TMEM59: variants seen among roughly 807,000 people sequenced by gnomAD.
The protein encoded by TMEM59 is transmembrane protein 59.
A neutral mutation model predicts 42.2 loss-of-function variants in TMEM59; 44 were observed. That is an observed-to-expected ratio of 1.04 (90% CI 0.82 to 1.34). The LOEUF (loss-of-function observed/expected upper bound fraction) is 1.34, where lower values mean the gene tolerates loss of function less well. Among genes scored for constraint, TMEM59 ranks in the 40% most tolerant of loss-of-function variants. TMEM59 has a pLI of 0.00. For synonymous variants in TMEM59, 148 were observed against 145.8 expected (o/e 1.02, Z -0.11); for missense variants, 359 against 382.8 (o/e 0.94, Z 0.52).
upstream of TMEM59, chr1:54,053,288 T>C (rs1657646663): frequency 2.1e-6 from 3 of 1,440,990 alleles, no homozygotes; most frequent in South Asian, 1.3e-5. Flanking sequence ...CCACCGACCG[T>C]TGCTTCCGCC....
chr1:54,035,388 C>T lies in TMEM59; in HGVS notation c.816+1222G>A, dbSNP rs765442386. On this transcript the variant is annotated intron_variant, in intron 7 of 7. Transcript: ENST00000234831. ...TTATTTCAGTTGGATTAGATGTTGACAGCCATTATTATTCTATATTTAGTT... is the reference window on the plus strand; with the variant it reads ...TTATTTCAGTTGGATTAGATGTTGATAGCCATTATTATTCTATATTTAGTT... Among the ~76,000 whole-genome samples, 4 of 152,288 alleles carry T rather than the reference C, an allele frequency of 2.6e-5. No homozygotes were observed. In the South Asian group the frequency reaches 8.3e-4, roughly 32 times the overall value.
chr1:54,038,261 A>AT (rs1253814359), intron 6 of TMEM59, among the ~76,000 whole-genome samples: 1 of 152,210 alleles, frequency 6.6e-6, no homozygotes, highest in Non-Finnish European at 1.5e-5. Flanking sequence ...TGAAAAAAAA[A>AT]TTTTAAGTAA....
intron 6 of TMEM59, among the ~76,000 whole-genome samples, chr1:54,038,677 G>A (rs1336897300): frequency 6.6e-6 from 1 of 152,156 alleles, no homozygotes; most frequent in Non-Finnish European, 1.5e-5. Context: ...AGAATAGGAT[G>A]AGCAGAAGAT....
At position 54,041,760 on chromosome 1, in the gene TMEM59, T is replaced by C. The variant is rs11539459; in HGVS notation, c.589A>G (p.Thr197Ala). The C allele has an allele frequency of 1.6e-5, 26 of 1,613,686 alleles. No individual in the cohort carries two copies. The highest frequency in any genetic ancestry group is 4.0e-5 in the African/African-American group (3 of 74,928). Reference sequence around the variant, plus strand: ...CTTAGAGATGATTCTCTCAAATTTGTAGGCTCCTGCTCCAAATGTGGTGCG... The same window carrying C: ...CTTAGAGATGATTCTCTCAAATTTGCAGGCTCCTGCTCCAAATGTGGTGCG... Reference protein sequence around the residue: ...QYAPHLEQEPTNLRESSLSKM... With the variant: ...QYAPHLEQEPANLRESSLSKM... Residue 197 changes from threonine to alanine, a missense_variant, in exon 5 of 8, where the codon ACA (threonine) becomes GCA (alanine). Transcript: ENST00000234831.
upstream of TMEM59, chr1:54,053,383 G>T (rs553340180): frequency 2.3e-4 from 147 of 641,002 alleles, no homozygotes; most frequent in African/African-American, 2.4e-3. Context: ...TCTTCTCCTA[G>T]GCTGGCGTGA....
In TMEM59 at chr1:54,036,670, T is replaced by C. The variant is rs1246320338; in HGVS notation, c.756A>G (p.Val252=). ...LTTTLVLSVM[V]LLWICCATVA... is the part of the protein sequence containing the mutation. Reference sequence around the variant, plus strand: ...CAGTTGCACAACAAATCCAAAGCAATACCATCACCGAGAGGACAAGAGTTG... The same window carrying C: ...CAGTTGCACAACAAATCCAAAGCAACACCATCACCGAGAGGACAAGAGTTG... The change falls in exon 7 of 8, where the codon GTA becomes GTG. Residue 252 remains valine (V), a synonymous_variant. Transcript: ENST00000234831. 1 of 1,610,312 alleles carries C rather than the reference T, an allele frequency of 6.2e-7. No homozygotes were observed. The highest frequency in any genetic ancestry group is 8.5e-7 in the Non-Finnish European group (1 of 1,178,366).
At chr1:54,052,014 A>G (rs1416708180) in intron 1 of TMEM59, among the ~76,000 whole-genome samples, 1 of 152,204 alleles carries the variant, frequency 6.6e-6, no homozygotes, top group Non-Finnish European at 1.5e-5. Flanking sequence ...AGTTTTAGAG[A>G]GCAAGGAGGT....
At chr1:54,038,513 A>T (rs551615548) in intron 6 of TMEM59, among the ~76,000 whole-genome samples, 64 of 152,294 alleles carry the variant, frequency 4.2e-4, no homozygotes, top group Middle Eastern at 3.4e-3. Flanking sequence ...GCTCCTCAAA[A>T]AGAAATGCAA....
In TMEM59 at chr1:54,032,191, G is replaced by C; in HGVS notation, c.931C>G (p.Pro311Ala). Residue 311 changes from proline to alanine, a missense_variant, in exon 8 of 8, where the codon CCT (proline) becomes GCT (alanine). Pro to Ala is a conservative substitution (Grantham distance 27). Coordinates refer to ENST00000234831, the MANE Select transcript of TMEM59 (RefSeq NM_004872.5). ...SKTEDHEEAG[P>A]LPTKVNLAHS... ...GCAAGATTCACTTTTGTAGGTAGAG[G>C]CCCTGCTTCTTCATGATCTTCAGTT... 6.2e-7 allele frequency: 1 copy of C among 1,612,920 alleles called. No individual in the cohort carries two copies. Among genetic ancestry groups the C allele is most frequent in the Non-Finnish European group, 8.5e-7 (1 of 1,179,454 alleles).
chr1:54,032,398 G>A, intron 7 of TMEM59, 93 bp from the exon 8 acceptor site: 62 of 1,195,196 alleles, frequency 5.2e-5, no homozygotes, highest in South Asian at 2.4e-4. Context: ...ATAAATAGTT[G>A]GTAAAAAAAA....
intron 3 of TMEM59, 167 bp downstream of exon 3, chr1:54,045,525 A>T: frequency 1.7e-6 from 1 of 595,900 alleles, no homozygotes. Context: ...GCATTATACA[A>T]AAGCAATTAT....
upstream of TMEM59, chr1:54,053,430 G>T: frequency 1.9e-6 from 1 of 540,388 alleles, no homozygotes; most frequent in Non-Finnish European, 3.3e-6. Flanking sequence ...TTAGCGCGAA[G>T]CGGGGCCTCC....
chr1:54,043,817 TGTAATTAAATAAGGACCA>T (rs1263020431), intron 3 of TMEM59: 1 of 155,704 alleles, frequency 6.4e-6, no homozygotes, highest in Non-Finnish European at 1.4e-5. Context: ...ACTCTTAAGA[TGTAATTAAATAAGGACCA>T]GCAAGGCCTT....
chr1:54,041,676 G>A (rs775691994), intron 5 of TMEM59, 48 bp downstream of exon 5: 3 of 1,490,058 alleles, frequency 2.0e-6, no homozygotes, highest in Non-Finnish European at 2.8e-6. Flanking sequence ...ACTACAACCA[G>A]ATTTGACTGC....
intron 5 of TMEM59, 86 bp from the exon 6 acceptor site, chr1:54,040,923 C>T (rs757976454): frequency 4.9e-6 from 5 of 1,030,286 alleles, no homozygotes; most frequent in Non-Finnish European, 7.4e-6. Flanking sequence ...ATACACTTTA[C>T]AGATATCCAA....
Position 54,040,819 on chromosome 1 carries a change from G to C in TMEM59, c.644C>G (p.Ser215Ter). 6.2e-7 allele frequency: 1 copy of C among 1,613,684 alleles called. No homozygotes were observed. Among genetic ancestry groups the C allele is most frequent in the African/African-American group, 1.3e-5 (1 of 75,018 alleles). Residue 215 changes from serine to a stop codon, truncating the protein, a stop_gained, in exon 6 of 8, where the codon TCA becomes TGA. Coordinates refer to ENST00000234831, the MANE Select transcript of TMEM59 (RefSeq NM_004872.5). LOFTEE classifies it high-confidence loss of function. ...TTCAAGAAAATTCCTGTGCGCTTGT[G>C]AATTTCTCATTTGCAGATCTGCTGA... is the stretch of plus-strand genomic sequence containing the variant. ...SKMSYLQMRN[S>*]QAHRNFLEDG...
chr1:54,047,522 T>G lies in TMEM59; in HGVS notation c.190-150A>C. On this transcript the variant is annotated intron_variant, in intron 1 of 7. Transcript: ENST00000234831. ...GAAAGAAAAAAATGATAGGAGCCAG[T>G]TGATACTCAAGACCTTTGCCATATA... 11 of 644,100 alleles carry G rather than the reference T, an allele frequency of 1.7e-5. No individual in the cohort carries two copies. The South Asian group carries it at 1.9e-4, about 11-fold the overall frequency. The allele number at this position is 644,100 out of a possible 1,614,324, so 39.9% of individuals were successfully genotyped here.
At chr1:54,032,524 C>T (rs188072516) in intron 7 of TMEM59, among the ~76,000 whole-genome samples, 42 of 152,378 alleles carry the variant, frequency 2.8e-4, no homozygotes, top group Middle Eastern at 3.4e-3. Context: ...TTAAAATCCT[C>T]AGGAGTATAA....
chr1:54,038,402 A>G (rs915553233), intron 6 of TMEM59, among the ~76,000 whole-genome samples: 8 of 152,214 alleles, frequency 5.3e-5, no homozygotes, highest in African/African-American at 1.4e-4. Context: ...AGACATGTGT[A>G]GGACTGTGTG....
Sources: gnomAD v4.1 joint callset for allele counts (sites outside exome capture counted in the v4.1 genomes callset) on GRCh38, gnomAD v4.1.1 for gene constraint, MANE v1.5 for transcripts, NCBI Gene and HGNC (gene_info 2026-07-23, HGNC 2026-07-21) for gene names.